The following SPAG16 variants were observed in gnomAD, a reference collection of about 807,000 sequenced individuals.
The protein encoded by SPAG16 is sperm associated antigen 16, also known as sperm-associated antigen 16 protein.
A neutral mutation model predicts 80.4 loss-of-function variants in SPAG16; 86 were observed. The observed-to-expected ratio is 1.07, with a 90% CI of 0.90 to 1.28. The LOEUF (loss-of-function observed/expected upper bound fraction) is 1.28. Ranked by LOEUF, SPAG16 falls within the 50% of genes most tolerant of loss-of-function variation. SPAG16 has a pLI of 0.00. For synonymous variants in SPAG16, 294 were observed against 265.9 expected (o/e 1.11, Z -1.03); for missense variants, 870 against 765.3 (o/e 1.14, Z -1.61).
chr2:214,225,078 G>C (rs2058670841), intron 15 of SPAG16, among the ~76,000 whole-genome samples: 1 of 152,146 alleles, frequency 6.6e-6, no homozygotes, highest in African/African-American at 2.4e-5. Flanking sequence ...ATATAGAAGA[G>C]AGCAGCAAGA....
chr2:213,622,733 C>T (rs1297566102), intron 10 of SPAG16, among the ~76,000 whole-genome samples: 1 of 152,086 alleles, frequency 6.6e-6, no homozygotes, highest in Non-Finnish European at 1.5e-5. Context: ...ATATAAAATC[C>T]AGAGACTATG....
chr2:213,447,728 A>G (rs752886977), intron 9 of SPAG16, among the ~76,000 whole-genome samples: 1 of 152,330 alleles, frequency 6.6e-6, no homozygotes, highest in Non-Finnish European at 1.5e-5. Context: ...TTGTGCTGTT[A>G]GTAGGAAATA....
intron 15 of SPAG16, among the ~76,000 whole-genome samples, chr2:214,372,587 C>T (rs1453284301): frequency 6.6e-6 from 1 of 152,158 alleles, no homozygotes; most frequent in Non-Finnish European, 1.5e-5. Context: ...TCAAGGTCAG[C>T]ACATAAGGCC....
chr2:213,523,779 C>T (rs1379144956), intron 10 of SPAG16, among the ~76,000 whole-genome samples: 1 of 152,130 alleles, frequency 6.6e-6, no homozygotes, highest in Non-Finnish European at 1.5e-5. Context: ...AGTATATTGC[C>T]CCTGCCCTAA....
At chr2:213,484,994 CT>C (rs1450916744) in intron 9 of SPAG16, among the ~76,000 whole-genome samples, 1 of 147,562 alleles carries the variant, frequency 6.8e-6, no homozygotes, top group East Asian at 1.9e-4. Context: ...GAATATTTTT[CT>C]TTTCTTTTTT....
intron 15 of SPAG16, among the ~76,000 whole-genome samples, chr2:214,196,135 A>G (rs1169370294): frequency 6.6e-6 from 1 of 152,068 alleles, no homozygotes; most frequent in African/African-American, 2.4e-5. Flanking sequence ...GAATGTCATA[A>G]CCATCAGTAT....
chr2:213,436,139 T>C (rs1431516563), intron 9 of SPAG16, among the ~76,000 whole-genome samples: 2 of 152,332 alleles, frequency 1.3e-5, no homozygotes, highest in African/African-American at 4.8e-5. Flanking sequence ...CAAGCTGTTA[T>C]TTATTAGGTG....
At chr2:213,303,305 G>C (rs962456897) in intron 3 of SPAG16, among the ~76,000 whole-genome samples, 2 of 150,598 alleles carry the variant, frequency 1.3e-5, no homozygotes, top group African/African-American at 2.4e-5. Flanking sequence ...TATATTTATC[G>C]GGTACATAAG....
intron 12 of SPAG16, among the ~76,000 whole-genome samples, chr2:214,008,391 G>C (rs1354633082): frequency 6.6e-6 from 1 of 151,230 alleles, no homozygotes; most frequent in African/African-American, 2.4e-5. Context: ...TATTTTTCTT[G>C]TGTATGGATT....
rs67683060 is a variant in SPAG16 at position 214,055,409 on chromosome 2, CAA to C, written c.1527+41333_1527+41334del. 9.3e-3 allele frequency among the ~76,000 whole-genome samples: 1,412 copies of C among 152,200 alleles called. 29 individuals are homozygous for C. The highest frequency in any genetic ancestry group is 0.032 in the African/African-American group (1,327 of 41,540). On this transcript the variant is annotated intron_variant, in intron 13 of 15. Coordinates refer to ENST00000331683, the MANE Select transcript of SPAG16 (RefSeq NM_024532.5). ...ACTTTTAAGTATATAAAGAAGCAAACAATAATGATTTTTAAAAATATTTCCAC... is the reference window on the plus strand; with the variant it reads ...ACTTTTAAGTATATAAAGAAGCAAACTAATGATTTTTAAAAATATTTCCAC...
At chr2:213,615,118 CT>C (rs1446806829) in intron 10 of SPAG16, among the ~76,000 whole-genome samples, 13 of 152,208 alleles carry the variant, frequency 8.5e-5, no homozygotes, top group Non-Finnish European at 1.8e-4. Flanking sequence ...TCTGCAAATA[CT>C]TACTGAACAT....
chr2:214,221,458 T>C (rs1245292242), intron 15 of SPAG16, among the ~76,000 whole-genome samples: 1 of 152,158 alleles, frequency 6.6e-6, no homozygotes, highest in Admixed American at 6.5e-5. Context: ...GACACATCCA[T>C]TTTATATTTC....
chr2:214,265,473 T>G (rs990691641), intron 15 of SPAG16, among the ~76,000 whole-genome samples: 12 of 152,034 alleles, frequency 7.9e-5, no homozygotes, highest in African/African-American at 2.9e-4. Flanking sequence ...TATGATTGAG[T>G]TTTCAAAGTT....
At chr2:214,003,667 T>C (rs2046898093) in intron 12 of SPAG16, among the ~76,000 whole-genome samples, 1 of 152,204 alleles carries the variant, frequency 6.6e-6, no homozygotes, top group Non-Finnish European at 1.5e-5. Flanking sequence ...AATACAGGGG[T>C]TAATTTCCTG....
intron 9 of SPAG16, among the ~76,000 whole-genome samples, chr2:213,430,725 C>T (rs888618732): frequency 6.6e-6 from 1 of 151,976 alleles, no homozygotes; most frequent in Admixed American, 6.6e-5. Context: ...ACAAGAGGAC[C>T]AACAAACACC....
chr2:214,254,007 G>A (rs541498020), intron 15 of SPAG16, among the ~76,000 whole-genome samples: 15 of 152,218 alleles, frequency 9.9e-5, no homozygotes, highest in African/African-American at 3.4e-4. Context: ...TCTCCTTGAA[G>A]AGATCCTTCA....
intron 11 of SPAG16, among the ~76,000 whole-genome samples, chr2:213,903,002 G>A (rs1325791989): frequency 6.6e-6 from 1 of 152,208 alleles, no homozygotes; most frequent in African/African-American, 2.4e-5. Context: ...TCACATTCAG[G>A]TCATGCTGAT....
At chr2:213,369,857 TA>T (rs2066537383) in intron 8 of SPAG16, among the ~76,000 whole-genome samples, 1 of 152,090 alleles carries the variant, frequency 6.6e-6, no homozygotes, top group Non-Finnish European at 1.5e-5. Flanking sequence ...CAGCATCCCC[TA>T]CCAGATTGAT....
intron 10 of SPAG16, among the ~76,000 whole-genome samples, chr2:213,836,611 T>C (rs2074098561): frequency 1.3e-5 from 2 of 152,014 alleles, no homozygotes; most frequent in Admixed American, 6.6e-5. Context: ...TACTTTTTTA[T>C]TTTTTATTTT....
Sources: allele counts gnomAD v4.1 joint callset (sites outside exome capture counted in the v4.1 genomes callset), GRCh38; gene constraint gnomAD v4.1.1; transcripts MANE v1.5; gene names NCBI Gene and HGNC (gene_info 2026-07-23, HGNC 2026-07-21).